The following ZMYND8 variants were observed in gnomAD, a reference collection of about 807,000 sequenced individuals.
ZMYND8 encodes zinc finger MYND-type containing 8, also known as MYND-type zinc finger-containing chromatin reader ZMYND8.
Under a neutral mutation model 140.8 loss-of-function variants are expected in ZMYND8, and 37 were observed. The observed-to-expected ratio is 0.26, with a 90% CI of 0.20 to 0.35. The LOEUF (loss-of-function observed/expected upper bound fraction) is 0.35. Among genes scored for constraint, ZMYND8 ranks in the 10% least tolerant of loss-of-function variants. The pLI, the probability that ZMYND8 is intolerant of heterozygous loss-of-function variation, is 1.00. For synonymous variants in ZMYND8, 592 were observed against 597.1 expected, an observed-to-expected ratio of 0.99 and a Z score of 0.12; for missense variants, 1,068 against 1,570.0, an observed-to-expected ratio of 0.68 and a Z score of 5.40.
At chr20:47,219,461 G>C (rs1219470289) in intron 21 of ZMYND8, among the ~76,000 whole-genome samples, 3 of 151,596 alleles carry the variant, frequency 2.0e-5, no homozygotes, top group Non-Finnish European at 4.4e-5. Flanking sequence ...GGGAGGCGGA[G>C]GTTGCAGTGA....
At chr20:47,318,641 T>C (rs1231492764) in intron 2 of ZMYND8, 5 of 431,838 alleles carry the variant, frequency 1.2e-5, no homozygotes, top group Admixed American at 5.5e-5. Flanking sequence ...CCTCCAACGC[T>C]GACCGTCTCT....
intron 7 of ZMYND8, among the ~76,000 whole-genome samples, chr20:47,288,610 T>A (rs1026033661): frequency 3.3e-5 from 5 of 152,000 alleles, no homozygotes; most frequent in African/African-American, 1.2e-4. Flanking sequence ...GCCAAGCTGA[T>A]CTCGAACCCC....
chr20:47,336,723 T>C (rs756802457), intron 2 of ZMYND8, among the ~76,000 whole-genome samples: 8 of 152,166 alleles, frequency 5.3e-5, no homozygotes, highest in Non-Finnish European at 8.8e-5. Flanking sequence ...GGTTCACGCA[T>C]GATCTTTAGA....
chr20:47,276,240 C>T (rs2076249166), intron 11 of ZMYND8, 74 bp downstream of exon 11: 2 of 1,456,430 alleles, frequency 1.4e-6, no homozygotes, highest in Non-Finnish European at 9.0e-7. Context: ...CCTGCTTGGG[C>T]CCACCAAGTG....
At chr20:47,294,539 C>G (rs753460170) in intron 5 of ZMYND8, 127 bp downstream of exon 5, 5 of 790,608 alleles carry the variant, frequency 6.3e-6, no homozygotes, top group South Asian at 1.6e-5. Context: ...TTTACACATA[C>G]TTGAATTTGG....
intron 14 of ZMYND8, among the ~76,000 whole-genome samples, chr20:47,245,508 A>G (rs981253954): frequency 6.6e-6 from 1 of 152,192 alleles, no homozygotes; most frequent in Admixed American, 6.5e-5. Flanking sequence ...GGCCTCCCCA[A>G]GTGCTGGGAT....
At chr20:47,303,113 G>C (rs2078196591) in intron 3 of ZMYND8, among the ~76,000 whole-genome samples, 1 of 152,040 alleles carries the variant, frequency 6.6e-6, no homozygotes, top group Non-Finnish European at 1.5e-5. Context: ...TAATGTAGAG[G>C]GTCTGCTCTC....
intron 12 of ZMYND8, among the ~76,000 whole-genome samples, chr20:47,260,430 C>T (rs1033912094): frequency 3.3e-5 from 5 of 152,120 alleles, no homozygotes; most frequent in African/African-American, 9.7e-5. Flanking sequence ...CACTGGGATG[C>T]AGCCACCCTG....
chr20:47,276,350 T>C lies in ZMYND8; in HGVS notation c.1444A>G (p.Ser482Gly). The C allele has an allele frequency of 6.3e-7, 1 of 1,592,962 alleles. No individual in the cohort carries two copies. The highest frequency in any genetic ancestry group is 1.7e-4 in the Middle Eastern group (1 of 5,964). ...KKATSSHFSA[S>G]EESMDFLDKS... is the part of the protein sequence containing the mutation. ...TCCAGGAAGTCCATGGACTCCTCGC[T>C]CGCACTGAAGTGGCTCGACGTGGCC... Residue 482 changes from serine (S) to glycine (G), a missense_variant, in exon 11 of 23, where the codon AGC becomes GGC. Physicochemically the swap from Ser to Gly is moderately conservative, Grantham distance 56. Around this residue, in one of 10 missense-constraint regions of ZMYND8, gnomAD observed 173 missense variants for 223.3 expected, o/e 0.77. Coordinates refer to ENST00000471951, the MANE Select transcript of ZMYND8 (RefSeq NM_001281775.3).
rs2034966843 is a variant in ZMYND8 at position 47,209,328 on chromosome 20, A to G, written c.*1433T>C. On this transcript the variant is annotated 3_prime_UTR_variant, in exon 23 of 23. Transcript: ENST00000471951. Reference sequence around the variant, plus strand: ...GCATATAGTGTGAGTCTACTGGCTCAGTCACAAAGAAACACCACCATCAAA... The same window carrying G: ...GCATATAGTGTGAGTCTACTGGCTCGGTCACAAAGAAACACCACCATCAAA... 6.6e-6 allele frequency: 1 copy of G among 152,258 alleles called. No individual in the cohort carries two copies. The highest frequency in any genetic ancestry group is 1.5e-5 in the Non-Finnish European group (1 of 68,044). The allele number at this position is 152,258 out of a possible 1,614,324, so 9.4% of individuals were successfully genotyped here.
chr20:47,299,841 C>T (rs1330375973), intron 3 of ZMYND8, among the ~76,000 whole-genome samples: 5 of 152,150 alleles, frequency 3.3e-5, no homozygotes, highest in African/African-American at 4.8e-5. Context: ...CTCGGCCTCC[C>T]AAAGTGCTGG....
At chr20:47,327,720 C>A (rs917758862) in intron 2 of ZMYND8, among the ~76,000 whole-genome samples, 2 of 152,204 alleles carry the variant, frequency 1.3e-5, no homozygotes, top group Admixed American at 6.5e-5. Context: ...GAACAATCCT[C>A]CCGCCTGCCC....
At chr20:47,283,481 C>A in intron 9 of ZMYND8, 90 bp downstream of exon 9, 2 of 1,352,946 alleles carry the variant, frequency 1.5e-6, no homozygotes, top group Non-Finnish European at 2.1e-6. Flanking sequence ...AAAGTTTCAT[C>A]TAATAAGCCA....
intron 2 of ZMYND8, among the ~76,000 whole-genome samples, chr20:47,335,495 T>C (rs983095074): frequency 1.3e-5 from 2 of 151,700 alleles, no homozygotes; most frequent in Middle Eastern, 3.2e-3. Flanking sequence ...CCACTATCAA[T>C]AGAGAACAAT....
chr20:47,335,515 A>C (rs1446144122), intron 2 of ZMYND8, among the ~76,000 whole-genome samples: 1 of 152,096 alleles, frequency 6.6e-6, no homozygotes, highest in Non-Finnish European at 1.5e-5. Context: ...TGAAGGAATG[A>C]CGACTTTAAT....
chr20:47,213,545 T>C (rs912769036), intron 21 of ZMYND8, among the ~76,000 whole-genome samples: 5 of 152,138 alleles, frequency 3.3e-5, no homozygotes, highest in Non-Finnish European at 4.4e-5. Flanking sequence ...ACTGCAGTTA[T>C]AGGACAGAAT....
intron 5 of ZMYND8, among the ~76,000 whole-genome samples, chr20:47,292,606 C>CT (rs961609621): frequency 2.1e-4 from 31 of 149,084 alleles, no homozygotes; most frequent in East Asian, 9.7e-4. Flanking sequence ...GCAAAAGCTT[C>CT]TTTTTTTTTT....
chr20:47,309,588 T>G (rs147371856), intron 3 of ZMYND8, among the ~76,000 whole-genome samples: 1 of 152,230 alleles, frequency 6.6e-6, no homozygotes, highest in African/African-American at 2.4e-5. Context: ...GTTACAGGCA[T>G]GAGTCACCAG....
chr20:47,256,442 A>G (rs2074729181), intron 12 of ZMYND8, among the ~76,000 whole-genome samples: 1 of 152,004 alleles, frequency 6.6e-6, no homozygotes, highest in African/African-American at 2.4e-5. Flanking sequence ...ACACAGTGAA[A>G]CCCTGTCTCT....
Sources: gnomAD v4.1 joint callset for allele counts (sites outside exome capture counted in the v4.1 genomes callset) on GRCh38, gnomAD v4.1.1 for gene constraint, gnomAD v4.1.1 regional missense constraint, MANE v1.5 for transcripts, NCBI Gene and HGNC (gene_info 2026-07-23, HGNC 2026-07-21) for gene names.